Variants in CTIF observed in about 807,000 individuals in gnomAD.
The protein encoded by CTIF is cap binding complex dependent translation initiation factor, also known as CBP80/20-dependent translation initiation factor.
Under a neutral mutation model 66.0 loss-of-function variants are expected in CTIF, and 21 were observed. The observed-to-expected ratio is 0.32, with a 90% CI of 0.23 to 0.46. The LOEUF (loss-of-function observed/expected upper bound fraction) is 0.46. Ranked by LOEUF, CTIF falls within the 20% of genes least tolerant of loss-of-function variation. CTIF has a pLI of 1.00. For missense variants in CTIF, 739 were observed against 812.7 expected, an observed-to-expected ratio of 0.91 and a Z score of 1.10; for synonymous variants, 345 against 326.4, an observed-to-expected ratio of 1.06 and a Z score of -0.62.
intron 10 of CTIF, among the ~76,000 whole-genome samples, chr18:48,851,247 T>C (rs2069193981): frequency 6.6e-6 from 1 of 151,802 alleles, no homozygotes; most frequent in Non-Finnish European, 1.5e-5. Flanking sequence ...GAAGAAGGCA[T>C]GGGAAGGGGA....
At chr18:48,830,755 CCTGTCCCCCCACCA>C (rs748616800) in intron 10 of CTIF, among the ~76,000 whole-genome samples, 4 of 151,524 alleles carry the variant, frequency 2.6e-5, no homozygotes, top group Admixed American at 6.6e-5. Context: ...CACGCCCCAG[CCTGTCCCCCCACCA>C]CTGTCCCCAG....
intron 6 of CTIF, among the ~76,000 whole-genome samples, chr18:48,690,048 G>A (rs8091349): frequency 0.091 from 13,855 of 152,066 alleles, 1,770 homozygotes; most frequent in African/African-American, 0.29. Flanking sequence ...AATTGATCAT[G>A]CCCAGCCTTA....
intron 6 of CTIF, among the ~76,000 whole-genome samples, chr18:48,682,677 T>TTG (rs1271508603): frequency 6.6e-6 from 1 of 152,222 alleles, no homozygotes; most frequent in Admixed American, 6.5e-5. Flanking sequence ...GGACAAAGAA[T>TTG]TGTGCCCTGT....
intron 6 of CTIF, among the ~76,000 whole-genome samples, chr18:48,684,035 G>A (rs2091792997): frequency 6.6e-6 from 1 of 152,218 alleles, no homozygotes; most frequent in Non-Finnish European, 1.5e-5. Flanking sequence ...ACACTGCTGT[G>A]GCGTGGTGAC....
chr18:48,627,151 T>A (rs1004871875), intron 2 of CTIF, among the ~76,000 whole-genome samples: 10 of 152,372 alleles, frequency 6.6e-5, no homozygotes, highest in African/African-American at 2.4e-4. Context: ...TTTAATGATC[T>A]CCTAGACATT....
chr18:48,643,900 C>T (rs2090978796), intron 3 of CTIF, among the ~76,000 whole-genome samples: 1 of 152,152 alleles, frequency 6.6e-6, no homozygotes, highest in Non-Finnish European at 1.5e-5. Flanking sequence ...ACCATGTTAG[C>T]AAAGGTTGAT....
At chr18:48,689,501 A>G (rs1405932100) in intron 6 of CTIF, among the ~76,000 whole-genome samples, 3 of 152,200 alleles carry the variant, frequency 2.0e-5, no homozygotes, top group African/African-American at 7.2e-5. Context: ...TCAGCTACAG[A>G]GAACCCTCCG....
At position 48,703,730 on chromosome 18, in the gene CTIF, T is replaced by A. The variant is rs146222022; in HGVS notation, c.508-7889T>A. On this transcript the variant is annotated intron_variant, in intron 6 of 11. Transcript: ENST00000256413. ...CTCTGCGGGGCACTTCAAAACCTCA[T>A]TGGGGCAGGGGCAGCAGCCCGGGGA... is the stretch of plus-strand genomic sequence containing the variant. Among the ~76,000 whole-genome samples, 595 of 152,204 alleles carry A rather than the reference T, an allele frequency of 3.9e-3. 1 individual carries two copies. Among genetic ancestry groups the A allele is most frequent in the African/African-American group, 0.013 (528 of 41,528 alleles).
chr18:48,773,116 T>C (rs1209822874), intron 9 of CTIF, among the ~76,000 whole-genome samples: 1 of 152,174 alleles, frequency 6.6e-6, no homozygotes, highest in Non-Finnish European at 1.5e-5. Flanking sequence ...GTTCTTGAGA[T>C]GTAGAGTTCC....
intron 9 of CTIF, among the ~76,000 whole-genome samples, chr18:48,799,367 A>C (rs2068000810): frequency 6.6e-6 from 1 of 152,174 alleles, no homozygotes; most frequent in Non-Finnish European, 1.5e-5. Context: ...AAGGTCAAAA[A>C]GCAGCCCCAG....
chr18:48,695,384 G>T (rs1041505904), intron 6 of CTIF, among the ~76,000 whole-genome samples: 4 of 152,218 alleles, frequency 2.6e-5, no homozygotes, highest in Non-Finnish European at 5.9e-5. Flanking sequence ...TCTATTGCCA[G>T]AGAAAGGGAA....
intron 7 of CTIF, among the ~76,000 whole-genome samples, chr18:48,718,879 G>A (rs556813887): frequency 6.6e-6 from 1 of 152,184 alleles, no homozygotes; most frequent in Admixed American, 6.5e-5. Flanking sequence ...CCATTCCCGA[G>A]GCATGAAGGT....
intron 6 of CTIF, among the ~76,000 whole-genome samples, chr18:48,706,490 C>G (rs565248180): frequency 6.6e-6 from 1 of 152,250 alleles, no homozygotes; most frequent in African/African-American, 2.4e-5. Context: ...TCCCCTCACC[C>G]CCAGATTCAA....
intron 1 of CTIF, among the ~76,000 whole-genome samples, chr18:48,587,679 C>G (rs1203747477): frequency 6.6e-6 from 1 of 152,178 alleles, no homozygotes; most frequent in Non-Finnish European, 1.5e-5. Context: ...AAGTAAACTT[C>G]CAGGTCATTC....
At chr18:48,777,139 C>T (rs774484428) in intron 9 of CTIF, among the ~76,000 whole-genome samples, 9 of 152,212 alleles carry the variant, frequency 5.9e-5, no homozygotes, top group African/African-American at 1.9e-4. Flanking sequence ...TCTCCCCACC[C>T]GGCGGGTCTG....
chr18:48,558,510 A>T (rs960070113), intron 1 of CTIF, among the ~76,000 whole-genome samples: 4 of 152,366 alleles, frequency 2.6e-5, no homozygotes, highest in African/African-American at 9.6e-5. Context: ...ACCTCTTTTC[A>T]TGTAACAAAT....
At chr18:48,742,837 C>T (rs2092566488) in intron 7 of CTIF, among the ~76,000 whole-genome samples, 1 of 152,150 alleles carries the variant, frequency 6.6e-6, no homozygotes, top group Non-Finnish European at 1.5e-5. Flanking sequence ...CATCTTTAAA[C>T]AGTGCAGTGT....
intron 10 of CTIF, among the ~76,000 whole-genome samples, chr18:48,829,419 C>T (rs951772464): frequency 1.3e-5 from 2 of 152,156 alleles, no homozygotes; most frequent in Non-Finnish European, 2.9e-5. Flanking sequence ...GATCATAAAC[C>T]GGGCACTGGG....
At chr18:48,807,343 C>T (rs1362627260) in intron 9 of CTIF, among the ~76,000 whole-genome samples, 3 of 152,148 alleles carry the variant, frequency 2.0e-5, no homozygotes, top group Non-Finnish European at 4.4e-5. Context: ...TAAAGAGAAA[C>T]ATTCACAGAG....
Sources: gnomAD v4.1 joint callset for allele counts (sites outside exome capture counted in the v4.1 genomes callset) on GRCh38, gnomAD v4.1.1 for gene constraint, MANE v1.5 for transcripts, NCBI Gene and HGNC (gene_info 2026-07-23, HGNC 2026-07-21) for gene names.